Variants in E2F5 observed in about 807,000 individuals in gnomAD.
E2F5 encodes the protein transcription factor E2F5.
Under a neutral mutation model 39.1 loss-of-function variants are expected in E2F5, and 23 were observed. The ratio of observed to expected loss-of-function variants is 0.59; its 90% CI spans 0.42 to 0.83. The LOEUF is 0.83. Among genes scored for constraint, E2F5 ranks in the 40% least tolerant of loss-of-function variants. The probability of loss-of-function intolerance (pLI) is 0.00; values close to 1 mark genes in which losing one functional copy is unlikely to be tolerated. For missense variants in E2F5, 365 were observed against 406.7 expected, an observed-to-expected ratio of 0.90 and a Z score of 0.88; for synonymous variants, 145 against 157.8, an observed-to-expected ratio of 0.92 and a Z score of 0.61.
chr8:85,185,144 G>A (rs7820711), intron 1 of E2F5, among the ~76,000 whole-genome samples: 5,283 of 152,184 alleles, frequency 0.035, 286 homozygotes, highest in African/African-American at 0.12. Flanking sequence ...AAAACAGCAT[G>A]GTATTGGTAC....
intron 1 of E2F5, among the ~76,000 whole-genome samples, chr8:85,185,977 A>G: frequency 6.6e-6 from 1 of 152,218 alleles, no homozygotes; most frequent in Non-Finnish European, 1.5e-5. Context: ...TAGAACTAGA[A>G]ATACCATCTG....
At chr8:85,203,508 C>T (rs1024253058) in intron 3 of E2F5, among the ~76,000 whole-genome samples, 5 of 152,032 alleles carry the variant, frequency 3.3e-5, no homozygotes, top group Non-Finnish European at 7.4e-5. Context: ...AACTTTTGGT[C>T]TACCAATTGA....
chr8:85,203,157 A>G lies in E2F5; in HGVS notation c.408A>G (p.Glu136=), dbSNP rs745462728. ...VIDRLRYLKA[E]IEDLELKERE... Reference sequence around the variant, plus strand: ...ATAGATTAAGATATCTTAAAGCTGAAATTGAAGATCTAGAACTGAAGGAAA... The same window carrying G: ...ATAGATTAAGATATCTTAAAGCTGAGATTGAAGATCTAGAACTGAAGGAAA... The change falls in exon 3 of 8, where the codon GAA becomes GAG. Residue 136 remains glutamate, a synonymous_variant. Coordinates refer to ENST00000416274, the MANE Select transcript of E2F5 (RefSeq NM_001951.4). The G allele has an allele frequency of 1.9e-6, 3 of 1,604,390 alleles. No individual in the cohort carries two copies. In the Admixed American group the frequency reaches 5.1e-5, roughly 27 times the overall value.
At chr8:85,190,590 G>A (rs930961805) in intron 1 of E2F5, among the ~76,000 whole-genome samples, 4 of 121,532 alleles carry the variant, frequency 3.3e-5, no homozygotes, top group East Asian at 2.5e-4. Flanking sequence ...TGCAACCTCC[G>A]TCTCCCGGGT....
chr8:85,185,821 A>G (rs969565576), intron 1 of E2F5, among the ~76,000 whole-genome samples: 1 of 152,238 alleles, frequency 6.6e-6, no homozygotes, highest in South Asian at 2.1e-4. Flanking sequence ...ACCATCTCAC[A>G]CCAGTTACAA....
At chr8:85,208,994 T>C in intron 5 of E2F5, 148 bp from the exon 6 acceptor site, 2 of 783,202 alleles carry the variant, frequency 2.6e-6, no homozygotes, top group Non-Finnish European at 4.0e-6. Flanking sequence ...CTACTCTATG[T>C]CTCTACTTTT....
intron 1 of E2F5, among the ~76,000 whole-genome samples, chr8:85,187,523 C>T (rs1812369072): frequency 6.6e-6 from 1 of 151,980 alleles, no homozygotes; most frequent in Non-Finnish European, 1.5e-5. Flanking sequence ...GCTGAATTGA[C>T]CCTTTTATTA....
chr8:85,177,921 G>A lies in E2F5; in HGVS notation c.234+267G>A, dbSNP rs149713879. On this transcript the variant is annotated intron_variant, in intron 1 of 7. Coordinates refer to ENST00000416274, the MANE Select transcript of E2F5 (RefSeq NM_001951.4). ...CTCTCGACAAAGAGCCCAGGACCTC[G>A]AGCGCGCCCGCGTGGCTTCTGTCTC... 281 of 356,210 alleles carry A rather than the reference G, an allele frequency of 7.9e-4. 1 individual carries two copies. The highest frequency in any genetic ancestry group is 5.2e-3 in the African/African-American group (238 of 46,146). The allele number at this position is 356,210 out of a possible 1,614,324, so 22.1% of individuals were successfully genotyped here. A position where few individuals can be genotyped will look rare whatever the true frequency, so the allele number is the denominator to read the frequency against.
intron 1 of E2F5, among the ~76,000 whole-genome samples, chr8:85,194,747 C>G (rs1278158919): frequency 1.3e-5 from 2 of 151,324 alleles, no homozygotes; most frequent in Non-Finnish European, 1.5e-5. Context: ...CTTGGCCAGG[C>G]TGGTCTTCAA....
At chr8:85,187,752 TA>T (rs1812373729) in intron 1 of E2F5, 1 of 152,222 alleles carries the variant, frequency 6.6e-6, no homozygotes, top group South Asian at 2.1e-4. Context: ...TTTGCCTTTT[TA>T]TTGGAGAACT....
intron 1 of E2F5, among the ~76,000 whole-genome samples, chr8:85,188,015 T>C (rs567204218): frequency 6.6e-6 from 1 of 152,274 alleles, no homozygotes; most frequent in Non-Finnish European, 1.5e-5. Context: ...TGATAACAAG[T>C]TTGATCGCAA....
intron 1 of E2F5, among the ~76,000 whole-genome samples, chr8:85,188,316 C>CT (rs74366212): frequency 9.0e-4 from 104 of 114,998 alleles, no homozygotes; most frequent in East Asian, 1.9e-3. Flanking sequence ...CCTTAGCATC[C>CT]TTTTTTTTTT....
Position 85,185,375 on chromosome 8 carries a change from A to G in E2F5, c.234+7721A>G, listed in dbSNP as rs1389459541. Among the ~76,000 whole-genome samples, 5 of 152,354 alleles carry G rather than the reference A, an allele frequency of 3.3e-5. No individual in the cohort carries two copies. In the East Asian group the frequency reaches 9.6e-4, roughly 29 times the overall value. The stretch of plus-strand genomic sequence containing the variant: ...ACAAAAATCAACTCAAGATGGATGA[A>G]AGACTTAAACGTAAGACCTGAAACC... On this transcript the variant is annotated intron_variant, in intron 1 of 7. Coordinates refer to ENST00000416274, the MANE Select transcript of E2F5 (RefSeq NM_001951.4).
intron 1 of E2F5, among the ~76,000 whole-genome samples, chr8:85,193,885 C>T (rs1309979376): frequency 2.0e-5 from 3 of 152,082 alleles, no homozygotes; most frequent in Non-Finnish European, 2.9e-5. Context: ...ATTTACTCTA[C>T]TAAATGTATA....
Position 85,214,334 on chromosome 8 carries a change from T to G in E2F5, c.*472T>G. 1.7e-6 allele frequency: 1 copy of G among 591,632 alleles called. No individual in the cohort carries two copies. Among genetic ancestry groups the G allele is most frequent in the Non-Finnish European group, 3.0e-6 (1 of 332,506 alleles). The allele number at this position is 591,632 out of a possible 1,614,324, so 36.6% of individuals were successfully genotyped here. A position where few individuals can be genotyped will look rare whatever the true frequency, so the allele number is the denominator to read the frequency against. On this transcript the variant is annotated 3_prime_UTR_variant, in exon 8 of 8. Transcript: ENST00000416274. ...ATGTAAACGAGGATATATAACTGTT[T>G]CAGTGAACAGATTTTGTGAAGTGCC... is the stretch of plus-strand genomic sequence containing the variant.
At chr8:85,198,525 G>A (rs2129704237) in intron 1 of E2F5, among the ~76,000 whole-genome samples, 1 of 152,218 alleles carries the variant, frequency 6.6e-6, no homozygotes, top group Admixed American at 6.5e-5. Flanking sequence ...TCTGATCAAA[G>A]TCACCCATGA....
At chr8:85,188,428 CTCT>C (rs1812391173) in intron 1 of E2F5, among the ~76,000 whole-genome samples, 1 of 149,130 alleles carries the variant, frequency 6.7e-6, no homozygotes, top group South Asian at 2.1e-4. Flanking sequence ...CAGGCTTTAT[CTCT>C]TCTTCATTTC....
At position 85,210,915 on chromosome 8, in the gene E2F5, G is replaced by C. The variant is rs931872062; in HGVS notation, c.884-1242G>C. Among the ~76,000 whole-genome samples, 3 of 152,216 alleles carry C rather than the reference G, an allele frequency of 2.0e-5. No individual in the cohort carries two copies. In the East Asian group the frequency reaches 5.8e-4, roughly 29 times the overall value. ...CAGGCCTTGAATTTCAGAGTAGTTAGGACATTTATCCAATAAACCAGTGAA... is the reference window on the plus strand; with the variant it reads ...CAGGCCTTGAATTTCAGAGTAGTTACGACATTTATCCAATAAACCAGTGAA... On this transcript the variant is annotated intron_variant, in intron 6 of 7. Transcript: ENST00000416274.
intron 1 of E2F5, among the ~76,000 whole-genome samples, chr8:85,187,402 A>G (rs942863407): frequency 2.0e-5 from 3 of 151,894 alleles, no homozygotes; most frequent in Admixed American, 6.6e-5. Flanking sequence ...ATCCCCTACT[A>G]TTGTTGTATT....
Sources: allele counts gnomAD v4.1 joint callset (sites outside exome capture counted in the v4.1 genomes callset), GRCh38; gene constraint gnomAD v4.1.1; transcripts MANE v1.5; gene names NCBI Gene and HGNC (gene_info 2026-07-23, HGNC 2026-07-21).